MOV10L1: variants seen among roughly 807,000 people sequenced by gnomAD.
MOV10L1 encodes the protein RNA helicase Mov10l1.
In MOV10L1, 110 loss-of-function variants were observed where a neutral mutation model predicts 143.8. The observed-to-expected ratio is 0.76, with a 90% CI of 0.66 to 0.90. MOV10L1 has a LOEUF of 0.90. Ranked by LOEUF, MOV10L1 falls within the 40% of genes least tolerant of loss-of-function variation. The pLI is 0.00. For missense variants in MOV10L1, 1,406 were observed against 1,526.8 expected (o/e 0.92, Z 1.32); for synonymous variants, 593 against 581.1 (o/e 1.02, Z -0.29).
chr22:50,105,935 C>T (rs932289300), intron 3 of MOV10L1, among the ~76,000 whole-genome samples: 1 of 152,168 alleles, frequency 6.6e-6, no homozygotes, highest in Admixed American at 6.5e-5. Flanking sequence ...ATCACGTGTG[C>T]GCTATAGCCA....
At chr22:50,090,223 C>G in intron 1 of MOV10L1, 38 bp downstream of exon 1, 2 of 1,410,606 alleles carry the variant, frequency 1.4e-6, no homozygotes, top group Non-Finnish European at 1.8e-6. Context: ...GGGTCCCGGG[C>G]CCTCGCGTGT....
intron 15 of MOV10L1, among the ~76,000 whole-genome samples, chr22:50,140,729 CTT>C (rs3042026): frequency 6.8e-6 from 1 of 147,666 alleles, no homozygotes; most frequent in Non-Finnish European, 1.5e-5. Flanking sequence ...TAACGTGAAA[CTT>C]TTTTTTTTTG....
chr22:50,108,260 A>AC lies in MOV10L1; in HGVS notation c.555+13dup. 6.2e-7 allele frequency: 1 copy of AC among 1,603,430 alleles called. No homozygotes were observed. The highest frequency in any genetic ancestry group is 8.5e-7 in the Non-Finnish European group (1 of 1,174,348). ...AGCGCGTGGACAAGGTAGCGTGCCG[A>AC]CTAGTGGCTCCTCTCTGTGCTTCTG... On this transcript the variant is annotated intron_variant, in intron 4 of 26. Transcript: ENST00000262794.
At position 50,108,162 on chromosome 22, in the gene MOV10L1, G is replaced by A; in HGVS notation, c.469G>A (p.Val157Met). Residue 157 changes from valine (V) to methionine (M), a missense_variant, in exon 4 of 27, where the codon GTG (valine) becomes ATG (methionine). Physicochemically the swap from Val to Met is conservative, Grantham distance 21. This residue lies in a region of MOV10L1 where 1,233 missense variants were observed against 1,351.4 expected (regional missense o/e 0.91). Coordinates refer to ENST00000262794, the MANE Select transcript of MOV10L1 (RefSeq NM_018995.3). ...EGFEPCKGDWVEAEYRIRPGT... is the reference protein window; with the variant it reads ...EGFEPCKGDWMEAEYRIRPGT... ...CTTCGAGCCCTGCAAGGGAGACTGG[G>A]TGGAGGCTGAGTACCGGATCCGGCC... 1 of 1,614,096 alleles carries A rather than the reference G, an allele frequency of 6.2e-7. No individual in the cohort carries two copies.
At chr22:50,145,560 T>C (rs958173983) in intron 18 of MOV10L1, 129 bp from the exon 19 acceptor site, 30 of 1,174,938 alleles carry the variant, frequency 2.6e-5, no homozygotes, top group Non-Finnish European at 3.3e-5. Flanking sequence ...AAGTATGAGA[T>C]ATTTTGAGAA....
chr22:50,117,475 G>C, intron 9 of MOV10L1, 124 bp downstream of exon 9: 1 of 957,080 alleles, frequency 1.0e-6, no homozygotes, highest in Non-Finnish European at 1.5e-6. Context: ...ATGAAGCTGG[G>C]GTTCAAGCCT....
chr22:50,097,442 T>C (rs1602117375), intron 2 of MOV10L1, among the ~76,000 whole-genome samples: 1 of 152,356 alleles, frequency 6.6e-6, no homozygotes, highest in East Asian at 1.9e-4. Flanking sequence ...TTTTTGTGTT[T>C]GGTGTAAAAC....
chr22:50,102,399 C>T (rs1025768546), intron 3 of MOV10L1, among the ~76,000 whole-genome samples: 1 of 152,126 alleles, frequency 6.6e-6, no homozygotes, highest in South Asian at 2.1e-4. Flanking sequence ...CGGCTGTGTC[C>T]TCATAAAACT....
At chr22:50,116,660 C>CTTTTTTTT (rs397867977) in intron 8 of MOV10L1, among the ~76,000 whole-genome samples, 3 of 104,112 alleles carry the variant, frequency 2.9e-5, no homozygotes, top group African/African-American at 3.5e-5. Context: ...TAGATGCTTA[C>CTTTTTTTT]TTTTTTTTTT....
At chr22:50,131,101 G>A (rs2062664142) in intron 13 of MOV10L1, among the ~76,000 whole-genome samples, 1 of 149,450 alleles carries the variant, frequency 6.7e-6, no homozygotes, top group Non-Finnish European at 1.5e-5. Flanking sequence ...AGTGAGACGG[G>A]GTTTCACTGT....
intron 15 of MOV10L1, among the ~76,000 whole-genome samples, chr22:50,134,926 T>C (rs1005312716): frequency 6.6e-6 from 1 of 152,230 alleles, no homozygotes; most frequent in Non-Finnish European, 1.5e-5. Flanking sequence ...GATGCAGGGC[T>C]AAGATGGCTA....
intron 3 of MOV10L1, among the ~76,000 whole-genome samples, chr22:50,104,674 A>T (rs907741371): frequency 1.2e-4 from 19 of 152,242 alleles, no homozygotes; most frequent in African/African-American, 1.4e-4. Flanking sequence ...TGAGTATATT[A>T]AAAAATGTCA....
At chr22:50,090,268 GTGCAGTGC>G in intron 1 of MOV10L1, 83 bp downstream of exon 1, 2 of 1,435,582 alleles carry the variant, frequency 1.4e-6, no homozygotes, top group South Asian at 3.0e-5. Flanking sequence ...AGGTCTTTGA[GTGCAGTGC>G]GGGCCGGCAG....
intron 16 of MOV10L1, 93 bp downstream of exon 16, chr22:50,142,282 A>AG (rs2063011226): frequency 1.0e-6 from 1 of 967,048 alleles, no homozygotes; most frequent in Non-Finnish European, 1.5e-6. Flanking sequence ...TGCAGAAGGA[A>AG]GAACAGTAGG....
chr22:50,108,843 C>A lies in MOV10L1; in HGVS notation c.742C>A (p.Arg248=). The A allele has an allele frequency of 6.2e-7, 1 of 1,613,648 alleles. No homozygotes were observed. Residue 248 remains arginine (R), a splice_region_variant and synonymous_variant, in exon 5 of 27, where the codon CGA becomes AGA. Transcript: ENST00000262794. ...ACTTTGTATGACCCTAGTGAAGAGG[C>A]GGTAAGAAAATGCTTTTCTGGCCAG... ...RALCMTLVKR[R]DAAPVHEATH...
chr22:50,159,644 T>G lies in MOV10L1; in HGVS notation c.3217-34T>G. 1 of 1,347,936 alleles carries G rather than the reference T, an allele frequency of 7.4e-7. No homozygotes were observed. The highest frequency in any genetic ancestry group is 1.1e-6 in the Non-Finnish European group (1 of 951,436). The allele number at this position is 1,347,936 out of a possible 1,614,324, so 83.5% of individuals were successfully genotyped here. On this transcript the variant is annotated intron_variant, in intron 23 of 26. Coordinates refer to ENST00000262794, the MANE Select transcript of MOV10L1 (RefSeq NM_018995.3). The surrounding 1 kb of genome is among the most constrained non-coding windows in gnomAD (Gnocchi z 4.1). ...AGAAAAGAAATGGATTTGTACAGTG[T>G]TATCTTTAGTCTTTCTTTTAATCTG...
At position 50,152,152 on chromosome 22, in the gene MOV10L1, A is replaced by G. The variant is rs75737255; in HGVS notation, c.2893-893A>G. 2.1e-3 allele frequency among the ~76,000 whole-genome samples: 318 copies of G among 152,376 alleles called. 2 individuals carry two copies. Among genetic ancestry groups the G allele is most frequent in the African/African-American group, 7.5e-3 (313 of 41,582 alleles). On this transcript the variant is annotated intron_variant, in intron 21 of 26. Transcript: ENST00000262794. The surrounding 1 kb of genome is among the most constrained non-coding windows in gnomAD (Gnocchi z 4.4). ...TCTGGCGAGTAACAGACAGCACTGC[A>G]GGAACACAGGTTTTCACCAACAGGG... is the stretch of plus-strand genomic sequence containing the variant.
intron 3 of MOV10L1, 103 bp from the exon 4 acceptor site, chr22:50,108,033 C>T: frequency 9.6e-7 from 1 of 1,045,302 alleles, no homozygotes; most frequent in Non-Finnish European, 1.4e-6. Flanking sequence ...TTTAAATGTT[C>T]AAATGTATCC....
chr22:50,152,926 C>A lies in MOV10L1; in HGVS notation c.2893-119C>A. The A allele has an allele frequency of 9.8e-7, 1 of 1,022,862 alleles. No individual in the cohort carries two copies. Among genetic ancestry groups the A allele is most frequent in the African/African-American group, 1.6e-5 (1 of 62,746 alleles). 63.4% of individuals were successfully genotyped at this position (1,022,862 alleles called of 1,614,324 possible). On this transcript the variant is annotated intron_variant, in intron 21 of 26. Transcript: ENST00000262794. This position sits in a 1 kb window ranked among gnomAD's most constrained non-coding sequence, Gnocchi z 4.4. ...CAGGCGACACACAGGGGCGCAGGAG[C>A]AGAGTCAGGCTTGGAAGTCAGGCAG...
Sources: gnomAD v4.1 joint callset for allele counts (sites outside exome capture counted in the v4.1 genomes callset) on GRCh38, gnomAD v4.1.1 for gene constraint, gnomAD v4.1.1 regional missense constraint, Gnocchi (gnomAD v3.1) non-coding constraint, MANE v1.5 for transcripts, NCBI Gene and HGNC (gene_info 2026-07-23, HGNC 2026-07-21) for gene names.